The following CAMTA1 variants were observed in gnomAD, a reference collection of about 807,000 sequenced individuals.
The protein encoded by CAMTA1 is calmodulin-binding transcription activator 1.
CAMTA1 carries 27 observed loss-of-function variants against 170.9 expected under a neutral mutation model. The ratio of observed to expected loss-of-function variants is 0.16; its 90% CI spans 0.12 to 0.22. The LOEUF is 0.22. Ranked by LOEUF, CAMTA1 falls within the 10% of genes least tolerant of loss-of-function variation. The probability of loss-of-function intolerance (pLI) is 1.00; values close to 1 mark genes in which losing one functional copy is unlikely to be tolerated. For missense variants in CAMTA1, 1,619 were observed against 2,217.2 expected (o/e 0.73, Z 5.42); for synonymous variants, 833 against 891.5 (o/e 0.93, Z 1.17).
chr1:7,556,440 G>A (rs193293339), intron 6 of CAMTA1, among the ~76,000 whole-genome samples: 39 of 152,284 alleles, frequency 2.6e-4, no homozygotes, highest in Admixed American at 1.8e-3. Flanking sequence ...GCCTTCTTCC[G>A]GACCCTGGCC....
Position 7,172,909 on chromosome 1 carries a change from C to T in CAMTA1, c.303-76582C>T, listed in dbSNP as rs547493384. 3.9e-5 allele frequency among the ~76,000 whole-genome samples: 6 copies of T among 152,326 alleles called. No homozygotes were observed. The South Asian group carries it at 1.0e-3, about 26-fold the overall frequency. ...GTCTGCTATCCCCAAGGTTTGGGAG[C>T]AGCCAAGTGTTTAATGATGTTCTGC... is the stretch of plus-strand genomic sequence containing the variant. On this transcript the variant is annotated intron_variant, in intron 4 of 22. Coordinates refer to ENST00000303635, the MANE Select transcript of CAMTA1 (RefSeq NM_015215.4).
chr1:7,160,203 C>G (rs1318665834), intron 4 of CAMTA1, among the ~76,000 whole-genome samples: 1 of 152,130 alleles, frequency 6.6e-6, no homozygotes. Context: ...GAGCTGAGAT[C>G]ATGCCATTGC....
intron 6 of CAMTA1, among the ~76,000 whole-genome samples, chr1:7,522,406 A>G (rs1049213474): frequency 1.4e-4 from 21 of 152,070 alleles, no homozygotes; most frequent in Non-Finnish European, 2.9e-4. Flanking sequence ...TCCTTTGCTG[A>G]CTATGTGATT....
rs70987362 is a variant in CAMTA1 at position 7,680,861 on chromosome 1, C to CCAGCAGCAG, written c.2914+3142_2914+3150dup. 3.9e-4 allele frequency among the ~76,000 whole-genome samples: 53 copies of CCAGCAGCAG among 136,566 alleles called. No individual in the cohort carries two copies. The highest frequency in any genetic ancestry group is 6.1e-4 in the African/African-American group (23 of 37,696). The allele number at this position is 136,566 out of a possible 152,430, so 89.6% of individuals were successfully genotyped here. On this transcript the variant is annotated intron_variant, in intron 11 of 22. Coordinates refer to ENST00000303635, the MANE Select transcript of CAMTA1 (RefSeq NM_015215.4). This position sits in a 1 kb window ranked among gnomAD's most constrained non-coding sequence, Gnocchi z 4.4. ...GAGAACACGCGCGCGCGCGCGCGCG[C>CCAGCAGCAG]CAGCAGCAGCAGCAGCAGCAGCTGC... is the stretch of plus-strand genomic sequence containing the variant.
At chr1:7,486,663 C>T (rs1423817482) in intron 6 of CAMTA1, among the ~76,000 whole-genome samples, 1 of 152,240 alleles carries the variant, frequency 6.6e-6, no homozygotes, top group Non-Finnish European at 1.5e-5. Context: ...TAGCTAATCT[C>T]AGGCTCCCTG....
intron 1 of CAMTA1, among the ~76,000 whole-genome samples, chr1:6,789,360 G>T (rs546552773): frequency 3.8e-4 from 58 of 152,270 alleles, no homozygotes; most frequent in African/African-American, 1.4e-3. Context: ...TCCTGTTTAT[G>T]CTGGATGTCC....
chr1:7,551,514 C>T (rs1255257211), intron 6 of CAMTA1, among the ~76,000 whole-genome samples: 1 of 152,234 alleles, frequency 6.6e-6, no homozygotes, highest in South Asian at 2.1e-4. Context: ...AACCGTGTGT[C>T]TTCCAGGCAA....
rs1351065494 is a variant in CAMTA1, at chr1:7,360,001, C to A, written c.439-107829C>A. Among the ~76,000 whole-genome samples the A allele has an allele frequency of 2.6e-5, 4 of 152,114 alleles. No individual in the cohort carries two copies. In the East Asian group the frequency reaches 7.7e-4, roughly 29 times the overall value. The stretch of plus-strand genomic sequence containing the variant: ...GAGGGAGGATCTGTCTTGAGCCTCT[C>A]CCCTGGCTGCTGGCATGTGCTTCAG... On this transcript the variant is annotated intron_variant, in intron 5 of 22. Transcript: ENST00000303635.
chr1:6,904,652 C>CA, intron 3 of CAMTA1, among the ~76,000 whole-genome samples: 1 of 149,614 alleles, frequency 6.7e-6, no homozygotes, highest in Non-Finnish European at 1.5e-5. Context: ...GCAGCAGCCT[C>CA]AAACTTCCAG....
intron 3 of CAMTA1, among the ~76,000 whole-genome samples, chr1:6,972,204 G>A (rs751336567): frequency 3.3e-5 from 5 of 152,136 alleles, no homozygotes; most frequent in Non-Finnish European, 7.4e-5. Flanking sequence ...CCAGTGGTGA[G>A]GGAACTTGGC....
chr1:7,191,879 C>G lies in CAMTA1; in HGVS notation c.303-57612C>G, dbSNP rs1365208920. On this transcript the variant is annotated intron_variant, in intron 4 of 22. Transcript: ENST00000303635. ...TGCAGCGAGAAGGCCAATGCAGAACCGCTGGGCATCAAGAGATCTGGGTTC... is the reference window on the plus strand; with the variant it reads ...TGCAGCGAGAAGGCCAATGCAGAACGGCTGGGCATCAAGAGATCTGGGTTC... 2.0e-5 allele frequency among the ~76,000 whole-genome samples: 3 copies of G among 152,156 alleles called. 1 individual carries two copies. Among genetic ancestry groups the G allele is most frequent in the Non-Finnish European group, 2.9e-5 (2 of 68,024 alleles).
chr1:6,877,560 C>G (rs1670279966), intron 3 of CAMTA1, among the ~76,000 whole-genome samples: 1 of 152,152 alleles, frequency 6.6e-6, no homozygotes, highest in African/African-American at 2.4e-5. Flanking sequence ...GATTGTTTCC[C>G]TGGGAAACTG....
chr1:6,820,069 A>G (rs1379847675), intron 1 of CAMTA1, 112 bp from the exon 2 acceptor site: 3 of 697,782 alleles, frequency 4.3e-6, no homozygotes, highest in Non-Finnish European at 5.2e-6. Context: ...GATTTGTCTG[A>G]TGTTTCCTCA....
intron 6 of CAMTA1, among the ~76,000 whole-genome samples, chr1:7,528,305 T>C (rs1426994817): frequency 6.6e-6 from 1 of 152,182 alleles, no homozygotes; most frequent in Non-Finnish European, 1.5e-5. Flanking sequence ...AGCTTTGTTA[T>C]GACACTAGCA....
At chr1:7,441,997 C>T (rs921184693) in intron 5 of CAMTA1, among the ~76,000 whole-genome samples, 1 of 152,184 alleles carries the variant, frequency 6.6e-6, no homozygotes. Flanking sequence ...TCCACCCATC[C>T]TCTTGTTACC....
At chr1:7,726,810 G>A (rs889592961) in intron 11 of CAMTA1, among the ~76,000 whole-genome samples, 2 of 152,246 alleles carry the variant, frequency 1.3e-5, no homozygotes, top group Non-Finnish European at 2.9e-5. Context: ...AGAACCGCCA[G>A]GCAGGAAGTG....
At chr1:7,492,818 GAC>G (rs1217229398) in intron 6 of CAMTA1, among the ~76,000 whole-genome samples, 13 of 95,504 alleles carry the variant, frequency 1.4e-4, no homozygotes, top group East Asian at 1.1e-3. Context: ...TGCGCGCACA[GAC>G]ACACAAACAT....
intron 4 of CAMTA1, among the ~76,000 whole-genome samples, chr1:7,229,516 TG>T (rs1211138681): frequency 4.8e-5 from 1 of 20,678 alleles, no homozygotes; most frequent in African/African-American, 2.1e-4. Context: ...GGAGAGGAGG[TG>T]GGGGGGTGAG....
intron 4 of CAMTA1, among the ~76,000 whole-genome samples, chr1:7,107,431 C>G (rs1253295877): frequency 1.3e-5 from 2 of 152,090 alleles, no homozygotes; most frequent in Admixed American, 6.5e-5. Flanking sequence ...AAACCGTGAA[C>G]TTTGGTGGGG....
Sources: allele counts gnomAD v4.1 joint callset (sites outside exome capture counted in the v4.1 genomes callset), GRCh38; gene constraint gnomAD v4.1.1; non-coding constraint Gnocchi (gnomAD v3.1); transcripts MANE v1.5; gene names NCBI Gene and HGNC (gene_info 2026-07-23, HGNC 2026-07-21).